The following ANKS1B variants were observed in gnomAD, a reference collection of about 807,000 sequenced individuals.
The protein encoded by ANKS1B is ankyrin repeat and sterile alpha motif domain-containing protein 1B.
A neutral mutation model predicts 148.3 loss-of-function variants in ANKS1B; 36 were observed. The observed-to-expected ratio is 0.24, with a 90% CI of 0.19 to 0.32. The LOEUF is 0.32. Ranked by LOEUF, ANKS1B falls within the 10% of genes least tolerant of loss-of-function variation. ANKS1B has a pLI of 1.00. For missense variants in ANKS1B, 1,157 were observed against 1,542.6 expected (o/e 0.75, Z 4.19); for synonymous variants, 542 against 560.8 (o/e 0.97, Z 0.47).
At chr12:99,855,462 T>C (rs1015263297) in intron 1 of ANKS1B, among the ~76,000 whole-genome samples, 73 of 152,088 alleles carry the variant, frequency 4.8e-4, no homozygotes, top group African/African-American at 1.7e-3. Context: ...TCAATAACAG[T>C]GGGAAACTTC....
At chr12:98,827,634 C>T (rs1254989872) in intron 19 of ANKS1B, among the ~76,000 whole-genome samples, 1 of 152,082 alleles carries the variant, frequency 6.6e-6, no homozygotes, top group Non-Finnish European at 1.5e-5. Context: ...AGTGTTTATA[C>T]ATAGGTAGAA....
chr12:99,657,659 A>ATATATATATATATATT (rs66516058), intron 8 of ANKS1B, among the ~76,000 whole-genome samples: 16,664 of 146,364 alleles, frequency 0.11, 1,234 homozygotes, highest in East Asian at 0.22. Flanking sequence ...ATATATATAT[A>ATATATATATATATATT]TGATAAAGTT....
intron 11 of ANKS1B, among the ~76,000 whole-genome samples, chr12:99,429,901 T>C (rs965424199): frequency 2.0e-5 from 3 of 151,976 alleles, no homozygotes; most frequent in African/African-American, 4.8e-5. Context: ...GAGGCGAAGC[T>C]TGCAGTGAGC....
chr12:98,853,435 A>C (rs990765992), intron 17 of ANKS1B, among the ~76,000 whole-genome samples: 1 of 152,122 alleles, frequency 6.6e-6, no homozygotes, highest in African/African-American at 2.4e-5. Flanking sequence ...CTCTTGGCCC[A>C]TCACAACGTA....
At chr12:99,140,534 C>A (rs919275821) in intron 15 of ANKS1B, among the ~76,000 whole-genome samples, 1 of 152,120 alleles carries the variant, frequency 6.6e-6, no homozygotes, top group African/African-American at 2.4e-5. Flanking sequence ...CTCTTGTCAC[C>A]ATCATGATTC....
intron 8 of ANKS1B, among the ~76,000 whole-genome samples, chr12:99,716,686 T>A (rs868734918): frequency 9.9e-5 from 15 of 152,140 alleles, no homozygotes; most frequent in Non-Finnish European, 1.5e-4. Flanking sequence ...CATCCAGGCA[T>A]TCTTTCACAC....
At chr12:99,442,981 G>A (rs1232390525) in intron 11 of ANKS1B, among the ~76,000 whole-genome samples, 2 of 151,982 alleles carry the variant, frequency 1.3e-5, no homozygotes, top group East Asian at 3.9e-4. Context: ...AAAATATAAT[G>A]CAAACAGCTT....
intron 9 of ANKS1B, among the ~76,000 whole-genome samples, chr12:99,546,669 T>C (rs1319228990): frequency 6.6e-6 from 1 of 152,158 alleles, no homozygotes; most frequent in Non-Finnish European, 1.5e-5. Flanking sequence ...GACCACCCTC[T>C]GAAAACTGAA....
intron 1 of ANKS1B, among the ~76,000 whole-genome samples, chr12:99,828,802 G>C (rs948183792): frequency 1.6e-4 from 24 of 151,756 alleles, no homozygotes; most frequent in Non-Finnish European, 3.4e-4. Flanking sequence ...GGTCAACATA[G>C]TGAAACTCCA....
chr12:98,764,850 C>T (rs1270315793), intron 25 of ANKS1B, among the ~76,000 whole-genome samples: 3 of 152,166 alleles, frequency 2.0e-5, no homozygotes, highest in Middle Eastern at 3.2e-3. Context: ...GTGCAGTGCC[C>T]GGGTGGCATG....
At chr12:99,467,041 T>C (rs917202271) in intron 10 of ANKS1B, among the ~76,000 whole-genome samples, 1 of 152,196 alleles carries the variant, frequency 6.6e-6, no homozygotes, top group Non-Finnish European at 1.5e-5. Context: ...AAATCCTCAA[T>C]TAAATATTGG....
In ANKS1B at chr12:99,468,487, T is replaced by C. The variant is rs1237434129; in HGVS notation, c.1439-24678A>G. 7.2e-5 allele frequency among the ~76,000 whole-genome samples: 11 copies of C among 152,026 alleles called. 1 individual carries two copies. The South Asian group carries it at 1.5e-3, about 20-fold the overall frequency. ...TTCTGCACAGCAAAAGAAACTACCA[T>C]CAGAGTGAACAGGCAACCTAAAAAA... On this transcript the variant is annotated intron_variant, in intron 10 of 26. Transcript: ENST00000683438.
rs146797550 is a variant in ANKS1B at position 99,977,092 on chromosome 12, T to C, written c.134+7012A>G. On this transcript the variant is annotated intron_variant, in intron 1 of 26. Transcript: ENST00000683438. ...CTCCCACAATAATGGCATTAATCCA[T>C]TCATACATGCAGAGCCCTCATGGCC... 2.1e-3 allele frequency among the ~76,000 whole-genome samples: 327 copies of C among 152,278 alleles called. 5 individuals are homozygous for C. Among genetic ancestry groups the C allele is most frequent in the African/African-American group, 7.6e-3 (315 of 41,564 alleles).
At chr12:99,279,513 T>G (rs185145982) in intron 12 of ANKS1B, among the ~76,000 whole-genome samples, 1 of 152,138 alleles carries the variant, frequency 6.6e-6, no homozygotes, top group Admixed American at 6.5e-5. Flanking sequence ...AGTTTCTCTC[T>G]CTATAGATTT....
intron 12 of ANKS1B, among the ~76,000 whole-genome samples, chr12:99,363,511 C>A (rs1414332250): frequency 6.6e-6 from 1 of 152,040 alleles, no homozygotes; most frequent in Non-Finnish European, 1.5e-5. Flanking sequence ...CAACATTTTG[C>A]ATTGAGATGA....
chr12:99,572,531 T>C (rs1202446164), intron 9 of ANKS1B, among the ~76,000 whole-genome samples: 1 of 152,108 alleles, frequency 6.6e-6, no homozygotes, highest in East Asian at 1.9e-4. Context: ...TAAGTTAAAA[T>C]TCAACAGTTA....
chr12:99,104,004 T>C (rs1217201356), intron 15 of ANKS1B, among the ~76,000 whole-genome samples: 1 of 152,212 alleles, frequency 6.6e-6, no homozygotes, highest in African/African-American at 2.4e-5. Flanking sequence ...AATCAGAGAA[T>C]GAGAGGGCTT....
chr12:99,086,043 A>C (rs1364668713), intron 15 of ANKS1B, among the ~76,000 whole-genome samples: 1 of 152,190 alleles, frequency 6.6e-6, no homozygotes, highest in Non-Finnish European at 1.5e-5. Flanking sequence ...AATGCCAGAC[A>C]CCAGATCACG....
At chr12:98,963,240 C>A (rs753695454) in intron 17 of ANKS1B, among the ~76,000 whole-genome samples, 114 of 151,332 alleles carry the variant, frequency 7.5e-4, no homozygotes, top group Non-Finnish European at 1.4e-3. Context: ...AGTGCAGTGG[C>A]ATGATCTCAG....
Sources: gnomAD v4.1 joint callset for allele counts (sites outside exome capture counted in the v4.1 genomes callset) on GRCh38, gnomAD v4.1.1 for gene constraint, MANE v1.5 for transcripts, NCBI Gene and HGNC (gene_info 2026-07-23, HGNC 2026-07-21) for gene names.